The following DLGAP2 variants were observed in gnomAD, a reference collection of about 807,000 sequenced individuals.
DLGAP2 encodes disks large-associated protein 2.
In DLGAP2, 26 loss-of-function variants were observed where a neutral mutation model predicts 100.3. The ratio of observed to expected loss-of-function variants is 0.26; its 90% CI spans 0.19 to 0.36. The LOEUF (loss-of-function observed/expected upper bound fraction) is 0.36, where lower values mean the gene tolerates loss of function less well. Among genes scored for constraint, DLGAP2 ranks in the 10% least tolerant of loss-of-function variants. The pLI, the probability that DLGAP2 is intolerant of heterozygous loss-of-function variation, is 1.00. For synonymous variants in DLGAP2, 886 were observed against 630.1 expected, an observed-to-expected ratio of 1.41 and a Z score of -6.08; for missense variants, 1,858 against 1,453.2, an observed-to-expected ratio of 1.28 and a Z score of -4.53.
chr8:932,445 T>G (rs1798980600), intron 2 of DLGAP2, among the ~76,000 whole-genome samples: 1 of 152,252 alleles, frequency 6.6e-6, no homozygotes. Flanking sequence ...ATGTCACAAG[T>G]GCAACGTGTG....
At chr8:794,943 T>C (rs955647226) in intron 1 of DLGAP2, among the ~76,000 whole-genome samples, 2 of 152,208 alleles carry the variant, frequency 1.3e-5, no homozygotes, top group African/African-American at 4.8e-5. Context: ...ATTTGTGTTA[T>C]GCGTGTGGCT....
intron 2 of DLGAP2, among the ~76,000 whole-genome samples, chr8:1,163,554 C>T (rs571784905): frequency 6.6e-6 from 1 of 152,236 alleles, no homozygotes; most frequent in Non-Finnish European, 1.5e-5. Flanking sequence ...CGAGTGTGAG[C>T]AAGGTGCTTT....
chr8:1,142,055 A>T (rs1328153703), intron 2 of DLGAP2, among the ~76,000 whole-genome samples: 1 of 145,412 alleles, frequency 6.9e-6, no homozygotes, highest in Non-Finnish European at 1.5e-5. Flanking sequence ...AAGTGTCCAT[A>T]TTCTGCCTAC....
intron 2 of DLGAP2, among the ~76,000 whole-genome samples, chr8:1,127,538 C>T (rs965529849): frequency 9.9e-5 from 15 of 152,148 alleles, no homozygotes; most frequent in Admixed American, 2.6e-4. Flanking sequence ...GGCATTCAGA[C>T]CACTTGGCTG....
At chr8:1,033,939 GT>G in intron 2 of DLGAP2, among the ~76,000 whole-genome samples, 1 of 109,698 alleles carries the variant, frequency 9.1e-6, no homozygotes, top group Admixed American at 9.4e-5. Flanking sequence ...GTCACCGCGA[GT>G]GGACTCACAC....
chr8:1,551,132 C>A (rs1017439014), intron 5 of DLGAP2, among the ~76,000 whole-genome samples: 2 of 152,226 alleles, frequency 1.3e-5, no homozygotes, highest in East Asian at 3.8e-4. Context: ...CCTTTGCAGG[C>A]AGATTTATTC....
intron 1 of DLGAP2, among the ~76,000 whole-genome samples, chr8:824,929 C>T (rs1278146452): frequency 1.3e-5 from 2 of 152,298 alleles, no homozygotes; most frequent in South Asian, 2.1e-4. Context: ...CACAGGGCAT[C>T]AGGGGATAGG....
intron 3 of DLGAP2, among the ~76,000 whole-genome samples, chr8:1,456,006 G>A (rs904253766): frequency 1.2e-4 from 18 of 152,318 alleles, no homozygotes; most frequent in African/African-American, 4.1e-4. Context: ...GATGCCCCAT[G>A]ATGCACACCA....
At chr8:1,175,250 A>G (rs1172864432) in intron 2 of DLGAP2, among the ~76,000 whole-genome samples, 1 of 152,168 alleles carries the variant, frequency 6.6e-6, no homozygotes, top group Non-Finnish European at 1.5e-5. Flanking sequence ...ATTTTAAAAA[A>G]AAAACCTAAG....
At chr8:957,587 T>C (rs1475012695) in intron 2 of DLGAP2, among the ~76,000 whole-genome samples, 2 of 152,218 alleles carry the variant, frequency 1.3e-5, no homozygotes, top group African/African-American at 2.4e-5. Context: ...CTCCTGTCAT[T>C]ATTTCAGAGG....
intron 3 of DLGAP2, among the ~76,000 whole-genome samples, chr8:1,445,654 G>A (rs890603522): frequency 6.6e-6 from 1 of 152,154 alleles, no homozygotes; most frequent in African/African-American, 2.4e-5. Flanking sequence ...AGATCCCTGA[G>A]GAATTGCCAC....
At chr8:1,139,801 C>T (rs1796489886) in intron 2 of DLGAP2, among the ~76,000 whole-genome samples, 1 of 152,136 alleles carries the variant, frequency 6.6e-6, no homozygotes, top group Admixed American at 6.5e-5. Flanking sequence ...GGGGCTCTCT[C>T]AGCACCGTAA....
intron 6 of DLGAP2, among the ~76,000 whole-genome samples, chr8:1,625,719 T>A (rs932725644): frequency 3.9e-5 from 6 of 152,266 alleles, no homozygotes; most frequent in Admixed American, 1.3e-4. Flanking sequence ...GAGTTACTAG[T>A]GCTTACAGCA....
chr8:1,040,907 C>G (rs1205869649), intron 2 of DLGAP2, among the ~76,000 whole-genome samples: 1 of 152,150 alleles, frequency 6.6e-6, no homozygotes, highest in Non-Finnish European at 1.5e-5. Context: ...GAGCTGCCCT[C>G]TTTTGATCTA....
chr8:955,314 C>T (rs185548160), intron 2 of DLGAP2, among the ~76,000 whole-genome samples: 1 of 152,102 alleles, frequency 6.6e-6, no homozygotes, highest in Non-Finnish European at 1.5e-5. Flanking sequence ...ATAGTATCCC[C>T]CTTACAGCTT....
At chr8:927,363 G>C (rs897969659) in intron 2 of DLGAP2, among the ~76,000 whole-genome samples, 1 of 152,158 alleles carries the variant, frequency 6.6e-6, no homozygotes, top group African/African-American at 2.4e-5. Flanking sequence ...AGCACTTTGT[G>C]GGGGTGTGTT....
intron 8 of DLGAP2, among the ~76,000 whole-genome samples, chr8:1,667,035 C>A (rs550703305): frequency 6.6e-6 from 1 of 152,218 alleles, no homozygotes; most frequent in African/African-American, 2.4e-5. Flanking sequence ...ACCTACGTCA[C>A]AAGCAGCCTG....
chr8:1,572,628 A>T lies in DLGAP2; in HGVS notation c.1442+6734A>T, dbSNP rs191575150. ...AGAGGGTGAACTGTGGGGGCGACTGATGGGATGGAGAGGAGAGAGGGTGAA... is the reference window on the plus strand; with the variant it reads ...AGAGGGTGAACTGTGGGGGCGACTGTTGGGATGGAGAGGAGAGAGGGTGAA... On this transcript the variant is annotated intron_variant, in intron 6 of 14. Transcript: ENST00000637795. Among the ~76,000 whole-genome samples the T allele has an allele frequency of 1.9e-3, 224 of 115,824 alleles. 2 individuals are homozygous for T. Among genetic ancestry groups the T allele is most frequent in the African/African-American group, 7.1e-3 (209 of 29,420 alleles). 76.0% of individuals were successfully genotyped at this position (115,824 alleles called of 152,430 possible). A position where few individuals can be genotyped will look rare whatever the true frequency, so the allele number is the denominator to read the frequency against.
At chr8:1,422,189 C>T (rs182982210) in intron 3 of DLGAP2, among the ~76,000 whole-genome samples, 1 of 152,078 alleles carries the variant, frequency 6.6e-6, no homozygotes, top group Admixed American at 6.5e-5. Flanking sequence ...TGTCTTATGG[C>T]CGCTAGGAGA....
Sources: allele counts gnomAD v4.1 joint callset (sites outside exome capture counted in the v4.1 genomes callset), GRCh38; gene constraint gnomAD v4.1.1; transcripts MANE v1.5; gene names NCBI Gene and HGNC (gene_info 2026-07-23, HGNC 2026-07-21).